The following EMILIN2 variants were observed in gnomAD, a reference collection of about 807,000 sequenced individuals.
EMILIN2 encodes the protein EMILIN-2.
A neutral mutation model predicts 87.1 loss-of-function variants in EMILIN2; 71 were observed. The observed-to-expected ratio is 0.82, with a 90% CI of 0.67 to 0.99. The LOEUF is 0.99. Among genes scored for constraint, EMILIN2 ranks in the 50% least tolerant of loss-of-function variants. The pLI, the probability that EMILIN2 is intolerant of heterozygous loss-of-function variation, is 0.00. For synonymous variants in EMILIN2, 581 were observed against 563.4 expected, an observed-to-expected ratio of 1.03 and a Z score of -0.44; for missense variants, 1,407 against 1,371.8, an observed-to-expected ratio of 1.03 and a Z score of -0.40.
At chr18:2,852,456 GA>G (rs530974912) in intron 2 of EMILIN2, among the ~76,000 whole-genome samples, 251 of 152,330 alleles carry the variant, frequency 1.6e-3, no homozygotes, top group African/African-American at 5.7e-3. Flanking sequence ...TCCAGAAAAA[GA>G]ATTTAAAGCC....
rs1199947683 is a variant in EMILIN2 at position 2,914,726 on chromosome 18, T to TA, written c.*1324dup. ...CTCTTATGCTGTAAAAAAAATGCTT[T>TA]AAGAATTGTTTGCAAATGAATTTAC... On this transcript the variant is annotated 3_prime_UTR_variant, in exon 8 of 8. Transcript: ENST00000254528. 6.6e-6 allele frequency: 1 copy of TA among 152,012 alleles called. No individual in the cohort carries two copies. The highest frequency in any genetic ancestry group is 2.4e-5 in the African/African-American group (1 of 41,374). 9.4% of individuals were successfully genotyped at this position (152,012 alleles called of 1,614,324 possible).
At chr18:2,912,919 A>G (rs2076948068) in intron 7 of EMILIN2, 148 bp from the exon 8 acceptor site, 3 of 793,866 alleles carry the variant, frequency 3.8e-6, no homozygotes, top group South Asian at 3.5e-5. Context: ...TGAGCATAAA[A>G]AGCAGCTGAG....
At chr18:2,866,457 T>A (rs901919970) in intron 2 of EMILIN2, among the ~76,000 whole-genome samples, 1 of 152,210 alleles carries the variant, frequency 6.6e-6, no homozygotes, top group Non-Finnish European at 1.5e-5. Context: ...GTAAAAGGGG[T>A]TGAGTTTGTG....
chr18:2,893,505 G>A (rs1224146615), intron 4 of EMILIN2, among the ~76,000 whole-genome samples: 1 of 152,188 alleles, frequency 6.6e-6, no homozygotes, highest in Admixed American at 6.5e-5. Flanking sequence ...CTCAACAAAT[G>A]TTTGTTGAAT....
chr18:2,885,681 C>A (rs1041709683), intron 3 of EMILIN2, among the ~76,000 whole-genome samples: 1 of 152,156 alleles, frequency 6.6e-6, no homozygotes, highest in Non-Finnish European at 1.5e-5. Flanking sequence ...CCATGCCCGG[C>A]TGATTTTTGT....
intron 2 of EMILIN2, among the ~76,000 whole-genome samples, chr18:2,858,790 C>A (rs2076645702): frequency 6.6e-6 from 1 of 151,024 alleles, no homozygotes; most frequent in South Asian, 2.1e-4. Context: ...TGCCTGCCAC[C>A]ATGCCCGGCT....
chr18:2,903,254 C>G (rs969167942), intron 4 of EMILIN2, among the ~76,000 whole-genome samples: 1 of 151,842 alleles, frequency 6.6e-6, no homozygotes, highest in African/African-American at 2.4e-5. Flanking sequence ...AGACGGTGTC[C>G]AGAGAGGAGG....
In EMILIN2 at chr18:2,885,082, G is replaced by A. The variant is rs116693841; in HGVS notation, c.376G>A (p.Val126Met). Residue 126 changes from valine to methionine, a missense_variant, in exon 3 of 8, where the codon GTG becomes ATG. Coordinates refer to ENST00000254528, the MANE Select transcript of EMILIN2 (RefSeq NM_032048.3). The part of the protein sequence containing the change: ...GDCQEGPKDP[V>M]KTLRPTPARP... ...TTGCCAAGAAGGTCCCAAAGACCCC[G>A]TGAAGACCCTCCGCCCCACGCCGGC... The A allele has an allele frequency of 7.4e-5, 119 of 1,613,712 alleles. 3 individuals carry two copies. In the East Asian group the frequency reaches 1.9e-3, roughly 25 times the overall value.
At position 2,906,948 on chromosome 18, in the gene EMILIN2, C is replaced by T; in HGVS notation, c.2525C>T (p.Thr842Ile). 1 of 1,405,326 alleles carries T rather than the reference C, an allele frequency of 7.1e-7. No individual in the cohort carries two copies. 87.1% of individuals were successfully genotyped at this position (1,405,326 alleles called of 1,614,324 possible). ...AGGCCGCCCCAGCCGCCAGGCTCCA[C>T]CGGGGTCATCGCGGAGACGGGCCAG... ...EERPPQPPGS[T>I]GVIAETGQAG... Residue 842 changes from threonine to isoleucine, a missense_variant, in exon 5 of 8, where the codon ACC becomes ATC. Transcript: ENST00000254528.
chr18:2,895,430 C>G (rs139713663), intron 4 of EMILIN2, among the ~76,000 whole-genome samples: 2 of 152,320 alleles, frequency 1.3e-5, no homozygotes, highest in Non-Finnish European at 2.9e-5. Flanking sequence ...TTTATAACAA[C>G]CCATTCCAAA....
At position 2,891,173 on chromosome 18, in the gene EMILIN2, C is replaced by G. The variant is rs760543983; in HGVS notation, c.1046C>G (p.Thr349Ser). Residue 349 changes from threonine (T) to serine (S), a missense_variant, in exon 4 of 8, where the codon ACT becomes AGT. Thr to Ser is a moderately conservative substitution (Grantham distance 58). Coordinates refer to ENST00000254528, the MANE Select transcript of EMILIN2 (RefSeq NM_032048.3). The surrounding 1 kb of genome is among the most constrained non-coding windows in gnomAD (Gnocchi z 4.6). ...DLKNSCEYKL[T>S]GLQQQCDDYG... ...AAAAACTCATGTGAGTACAAGCTCA[C>G]TGGCCTCCAGCAGCAGTGTGATGAC... 3.1e-6 allele frequency: 5 copies of G among 1,614,228 alleles called. No individual in the cohort carries two copies. In the Admixed American group the frequency reaches 8.3e-5, roughly 27 times the overall value.
rs1331008882 is a variant in EMILIN2, at chr18:2,891,068, A to G, written c.941A>G (p.Tyr314Cys). 2 of 1,614,176 alleles carry G rather than the reference A, an allele frequency of 1.2e-6. No individual in the cohort carries two copies. Among genetic ancestry groups the G allele is most frequent in the Non-Finnish European group, 1.7e-6 (2 of 1,180,042 alleles). The change falls in exon 4 of 8, where the codon TAC (tyrosine) becomes TGC (cysteine). Residue 314 changes from tyrosine to cysteine, a missense_variant. Physicochemically the swap from Tyr to Cys is radical, Grantham distance 194 (BLOSUM62 -2). Coordinates refer to ENST00000254528, the MANE Select transcript of EMILIN2 (RefSeq NM_032048.3). This position sits in a 1 kb window ranked among gnomAD's most constrained non-coding sequence, Gnocchi z 4.6. ...PTVTMTTNEL[Y>C]QAYVDSKIDA... ...GTGACCATGACAACCAACGAACTCT[A>G]CCAAGCCTATGTGGACAGTAAGATC...
At position 2,899,755 on chromosome 18, in the gene EMILIN2, C is replaced by A. The variant is rs555276446; in HGVS notation, c.2360-7028C>A. Among the ~76,000 whole-genome samples, 15 of 152,288 alleles carry A rather than the reference C, an allele frequency of 9.8e-5. No individual in the cohort carries two copies. The South Asian group carries it at 1.2e-3, about 13-fold the overall frequency. ...CTGACCTCAGGTGATCCATCCACCT[C>A]AGCCTCCCAAAGTGCTGGGATTACA... On this transcript the variant is annotated intron_variant, in intron 4 of 7. Transcript: ENST00000254528.
In EMILIN2 at chr18:2,913,451, C is replaced by G. The variant is rs553192317; in HGVS notation, c.*47C>G. On this transcript the variant is annotated 3_prime_UTR_variant, in exon 8 of 8. Transcript: ENST00000254528. ...GGAAAGATAGATAGTTGTAAAAACT[C>G]TAAAGCTTTAATATATTCGGTTTGT... is the stretch of plus-strand genomic sequence containing the variant. 9 of 1,443,774 alleles carry G rather than the reference C, an allele frequency of 6.2e-6. 1 individual carries two copies. The South Asian group carries it at 8.1e-5, about 13-fold the overall frequency. 89.4% of individuals were successfully genotyped at this position (1,443,774 alleles called of 1,614,324 possible). A position where few individuals can be genotyped will look rare whatever the true frequency, so the allele number is the denominator to read the frequency against.
rs1340319189 is a variant in EMILIN2 at position 2,885,201 on chromosome 18, C to G, written c.433+62C>G. Reference sequence around the variant, plus strand: ...TTAATATTTCCGGTGCTCCTTCAAACAACAGGATTTGTGCTTTACAATGGT... The same window carrying G: ...TTAATATTTCCGGTGCTCCTTCAAAGAACAGGATTTGTGCTTTACAATGGT... On this transcript the variant is annotated intron_variant, in intron 3 of 7. Transcript: ENST00000254528. 2.0e-6 allele frequency: 3 copies of G among 1,489,174 alleles called. No individual in the cohort carries two copies. In the South Asian group the frequency reaches 4.2e-5, roughly 21 times the overall value. 92.2% of individuals were successfully genotyped at this position (1,489,174 alleles called of 1,614,324 possible). A position where few individuals can be genotyped will look rare whatever the true frequency, so the allele number is the denominator to read the frequency against.
At chr18:2,878,306 A>G (rs931778522) in intron 2 of EMILIN2, among the ~76,000 whole-genome samples, 4 of 152,134 alleles carry the variant, frequency 2.6e-5, no homozygotes, top group Non-Finnish European at 5.9e-5. Context: ...CTTGGCCAAC[A>G]TGGCAAGACC....
At chr18:2,868,481 A>G (rs541103232) in intron 2 of EMILIN2, among the ~76,000 whole-genome samples, 35 of 152,298 alleles carry the variant, frequency 2.3e-4, no homozygotes, top group South Asian at 2.3e-3. Flanking sequence ...CCAAGATCAC[A>G]CCACTGCACT....
chr18:2,886,141 TCA>T (rs1255927948), intron 3 of EMILIN2, among the ~76,000 whole-genome samples: 1 of 152,220 alleles, frequency 6.6e-6, no homozygotes, highest in Non-Finnish European at 1.5e-5. Context: ...TTCATTTATC[TCA>T]CAAATATTTA....
chr18:2,873,674 T>C (rs1259751737), intron 2 of EMILIN2, among the ~76,000 whole-genome samples: 1 of 151,906 alleles, frequency 6.6e-6, no homozygotes, highest in Non-Finnish European at 1.5e-5. Flanking sequence ...GTCACTGCAC[T>C]CCAGCCTGGG....
Sources: gnomAD v4.1 joint callset for allele counts (sites outside exome capture counted in the v4.1 genomes callset) on GRCh38, gnomAD v4.1.1 for gene constraint, Gnocchi (gnomAD v3.1) non-coding constraint, MANE v1.5 for transcripts, NCBI Gene and HGNC (gene_info 2026-07-23, HGNC 2026-07-21) for gene names.